The following ARFGEF3 variants were observed in gnomAD, a reference collection of about 807,000 sequenced individuals.
ARFGEF3 encodes brefeldin A-inhibited guanine nucleotide-exchange protein 3.
In ARFGEF3, 96 loss-of-function variants were observed where a neutral mutation model predicts 221.7. The ratio of observed to expected loss-of-function variants is 0.43; its 90% confidence interval spans 0.37 to 0.51. The LOEUF (loss-of-function observed/expected upper bound fraction) is 0.51, where lower values mean the gene tolerates loss of function less well. ARFGEF3 is among the 20% of genes least tolerant of loss of function. ARFGEF3 has a pLI of 0.00. For synonymous variants in ARFGEF3, 1,145 were observed against 1,126.8 expected (o/e 1.02, Z -0.32); for missense variants, 2,410 against 2,789.9 (o/e 0.86, Z 3.07).
chr6:138,294,030 G>A lies in ARFGEF3; in HGVS notation c.3406G>A (p.Ala1136Thr). ...TGCTACGGATAAGTTGAACCTCATG[G>A]CCTTGGGAGGTTTTCTTTACCAGCT... ...EDATDKLNLM[A>T]LGGFLYQLKK... Residue 1136 changes from alanine to threonine, a missense_variant, in exon 20 of 34, where the codon GCC (alanine) becomes ACC (threonine). Physicochemically the swap from Ala to Thr is moderately conservative, Grantham distance 58 (BLOSUM62 0). This residue lies in a region of ARFGEF3 where 723 missense variants were observed against 991.9 expected (regional missense o/e 0.73). Transcript: ENST00000251691. 6.2e-7 allele frequency: 1 copy of A among 1,613,846 alleles called. No homozygotes were observed. Among genetic ancestry groups the A allele is most frequent in the Non-Finnish European group, 8.5e-7 (1 of 1,179,762 alleles).
intron 10 of ARFGEF3, 109 bp from the exon 11 acceptor site, chr6:138,261,418 T>C: frequency 3.3e-6 from 2 of 613,280 alleles, no homozygotes; most frequent in Non-Finnish European, 2.9e-6. Flanking sequence ...CTCCTTATAC[T>C]ATATCACTCA....
chr6:138,249,818 G>T (rs1778547826), intron 8 of ARFGEF3, among the ~76,000 whole-genome samples: 1 of 152,158 alleles, frequency 6.6e-6, no homozygotes, highest in African/African-American at 2.4e-5. Flanking sequence ...TGCTTTGTAT[G>T]ATTTTGGTAT....
chr6:138,337,411 G>T lies in ARFGEF3; in HGVS notation c.*925G>T, dbSNP rs1179956437. The T allele has an allele frequency of 6.6e-6, 1 of 152,636 alleles. No individual in the cohort carries two copies. The highest frequency in any genetic ancestry group is 1.9e-4 in the East Asian group (1 of 5,202). The allele number at this position is 152,636 out of a possible 1,614,324, so 9.5% of individuals were successfully genotyped here. On this transcript the variant is annotated 3_prime_UTR_variant, in exon 34 of 34. Coordinates refer to ENST00000251691, the MANE Select transcript of ARFGEF3 (RefSeq NM_020340.5). Reference sequence around the variant, plus strand: ...TGTCTGAACATAAGGTATAGCATTTGGTTTTTAAGAAAACAAAACATTAAG... The same window carrying T: ...TGTCTGAACATAAGGTATAGCATTTTGTTTTTAAGAAAACAAAACATTAAG...
At chr6:138,209,107 G>C (rs554787122) in intron 3 of ARFGEF3, among the ~76,000 whole-genome samples, 123 of 152,206 alleles carry the variant, frequency 8.1e-4, no homozygotes, top group Middle Eastern at 6.8e-3. Context: ...TGAGGTTTTG[G>C]GGGGGATGCA....
intron 6 of ARFGEF3, among the ~76,000 whole-genome samples, chr6:138,239,008 A>G (rs1023833551): frequency 6.6e-6 from 1 of 152,212 alleles, no homozygotes; most frequent in African/African-American, 2.4e-5. Context: ...GAGGTTGGGT[A>G]TGTTTCCCTT....
chr6:138,313,465 T>C (rs1039968605), intron 25 of ARFGEF3, among the ~76,000 whole-genome samples: 5 of 152,234 alleles, frequency 3.3e-5, no homozygotes, highest in African/African-American at 9.6e-5. Context: ...CTTATTCGCT[T>C]AGGCAAAAAT....
At chr6:138,210,191 C>G in intron 4 of ARFGEF3, 150 bp downstream of exon 4, 1 of 717,942 alleles carries the variant, frequency 1.4e-6, no homozygotes, top group African/African-American at 1.8e-5. Flanking sequence ...TCATGGTCCC[C>G]CTAAATTACC....
intron 3 of ARFGEF3, among the ~76,000 whole-genome samples, chr6:138,209,169 G>C (rs1266618180): frequency 2.0e-5 from 3 of 151,980 alleles, no homozygotes; most frequent in African/African-American, 7.3e-5. Context: ...ATAATTCCTG[G>C]ATAAATGACA....
chr6:138,303,979 A>T (rs1014593960), intron 22 of ARFGEF3, among the ~76,000 whole-genome samples: 1 of 151,624 alleles, frequency 6.6e-6, no homozygotes, highest in East Asian at 1.9e-4. Flanking sequence ...GCTGCTTTGC[A>T]GGCTGACAGT....
At chr6:138,186,816 CT>C (rs1562346254) in intron 2 of ARFGEF3, among the ~76,000 whole-genome samples, 1 of 151,558 alleles carries the variant, frequency 6.6e-6, no homozygotes, top group African/African-American at 2.4e-5. Flanking sequence ...GGCCTGTTTC[CT>C]TAGACTCTGC....
chr6:138,254,479 C>T (rs974465531), intron 9 of ARFGEF3, among the ~76,000 whole-genome samples: 1 of 151,712 alleles, frequency 6.6e-6, no homozygotes, highest in African/African-American at 2.4e-5. Flanking sequence ...GGCTCACGCT[C>T]CCTGCACTTT....
intron 4 of ARFGEF3, among the ~76,000 whole-genome samples, chr6:138,219,531 G>A (rs1277439800): frequency 6.6e-6 from 1 of 152,204 alleles, no homozygotes; most frequent in African/African-American, 2.4e-5. Context: ...CCAGGTAGGT[G>A]GCAGTAGGAA....
In ARFGEF3 at chr6:138,194,291, G is replaced by A. The variant is rs113328366; in HGVS notation, c.138-12751G>A. 4.9e-3 allele frequency among the ~76,000 whole-genome samples: 746 copies of A among 150,822 alleles called. 10 individuals are homozygous for A. The highest frequency in any genetic ancestry group is 0.017 in the African/African-American group (689 of 40,996). ...TCCAAAAAAAAAAAAAAAAAAGATA[G>A]TGATGGTATTTTCCCACTACTTTTC... On this transcript the variant is annotated intron_variant, in intron 2 of 33. Coordinates refer to ENST00000251691, the MANE Select transcript of ARFGEF3 (RefSeq NM_020340.5).
chr6:138,268,823 G>C (rs767481679), intron 12 of ARFGEF3, among the ~76,000 whole-genome samples: 1 of 152,172 alleles, frequency 6.6e-6, no homozygotes, highest in East Asian at 1.9e-4. Flanking sequence ...TGTAAGGTTC[G>C]CTGCAAGCAA....
chr6:138,321,851 TAAAG>T (rs1310875555), intron 29 of ARFGEF3, among the ~76,000 whole-genome samples: 1 of 152,324 alleles, frequency 6.6e-6, no homozygotes, highest in African/African-American at 2.4e-5. Context: ...ATGCTGCTGA[TAAAG>T]ACACACCCAA....
In ARFGEF3 at chr6:138,291,959, A is replaced by G; in HGVS notation, c.3274A>G (p.Ser1092Gly). The change falls in exon 19 of 34, where the codon AGC becomes GGC. Residue 1092 changes from serine to glycine, a missense_variant. By Grantham distance (56) the Ser-to-Gly change is moderately conservative. Coordinates refer to ENST00000251691, the MANE Select transcript of ARFGEF3 (RefSeq NM_020340.5). This position sits in a 1 kb window ranked among gnomAD's most constrained non-coding sequence, Gnocchi z 4.5. ...LSIQDLVREG[S>G]RGRASDFRGG... ...CATCCAGGACCTCGTCCGGGAAGGC[A>G]GCCGGGGTCGGGCCTCCGACTTCCG... The G allele has an allele frequency of 6.5e-7, 1 of 1,532,030 alleles. No homozygotes were observed. 94.9% of individuals were successfully genotyped at this position (1,532,030 alleles called of 1,614,324 possible).
In ARFGEF3 at chr6:138,334,770, A is replaced by G. The variant is rs1351602511; in HGVS notation, c.5924A>G (p.Glu1975Gly). 6 of 1,610,216 alleles carry G rather than the reference A, an allele frequency of 3.7e-6. No individual in the cohort carries two copies. The highest frequency in any genetic ancestry group is 2.2e-5 in the East Asian group (1 of 44,736). ...AGCCAGTCCCGGGAGCACATGGGCG[A>G]GTCCCTGAGCCTGAAGGCCGGTGGT... ...DRSQSREHMG[E>G]SLSLKAGGGD... The change falls in exon 33 of 34, where the codon GAG becomes GGG. Residue 1975 changes from glutamate to glycine, a missense_variant. By Grantham distance (98) the Glu-to-Gly change is moderately conservative. Transcript: ENST00000251691. The surrounding 1 kb of genome is among the most constrained non-coding windows in gnomAD (Gnocchi z 5.1).
At chr6:138,294,834 C>T (rs540779075) in intron 20 of ARFGEF3, among the ~76,000 whole-genome samples, 17 of 152,256 alleles carry the variant, frequency 1.1e-4, no homozygotes, top group Non-Finnish European at 7.4e-5. Context: ...AGGCAGAGAC[C>T]GGGAGCCATG....
intron 23 of ARFGEF3, among the ~76,000 whole-genome samples, chr6:138,308,178 C>A (rs1779760807): frequency 6.6e-6 from 1 of 152,170 alleles, no homozygotes; most frequent in African/African-American, 2.4e-5. Flanking sequence ...AACAGGAAAG[C>A]AGGTGTTCAC....
Sources: gnomAD v4.1 joint callset for allele counts (sites outside exome capture counted in the v4.1 genomes callset) on GRCh38, gnomAD v4.1.1 for gene constraint, gnomAD v4.1.1 regional missense constraint, Gnocchi (gnomAD v3.1) non-coding constraint, MANE v1.5 for transcripts, NCBI Gene and HGNC (gene_info 2026-07-23, HGNC 2026-07-21) for gene names.